The following VPS25 variants were observed in gnomAD, a reference collection of about 807,000 sequenced individuals.
The protein encoded by VPS25 is vacuolar protein sorting 25 homolog.
VPS25 carries 21 observed loss-of-function variants against 30.3 expected under a neutral mutation model. The observed-to-expected ratio is 0.69, with a 90% CI of 0.49 to 1.00. VPS25 has a LOEUF of 1.00. Ranked by LOEUF, VPS25 falls within the 50% of genes least tolerant of loss-of-function variation. The probability of loss-of-function intolerance (pLI) is 0.00; values close to 1 mark genes in which losing one functional copy is unlikely to be tolerated. For synonymous variants in VPS25, 101 were observed against 88.1 expected (o/e 1.15, Z -0.82); for missense variants, 156 against 217.2 (o/e 0.72, Z 1.77).
At chr17:42,778,596 T>C (rs1376111638) in intron 5 of VPS25, among the ~76,000 whole-genome samples, 1 of 152,182 alleles carries the variant, frequency 6.6e-6, no homozygotes, top group Non-Finnish European at 1.5e-5. Flanking sequence ...TCCTCTAGGG[T>C]CAGTGTCTAG....
intron 5 of VPS25, among the ~76,000 whole-genome samples, 200 bp downstream of exon 5, chr17:42,776,520 G>A (rs974024890): frequency 4.0e-5 from 6 of 151,204 alleles, no homozygotes; most frequent in Non-Finnish European, 7.4e-5. Flanking sequence ...GCGCCACCAC[G>A]CCTGGCTAAT....
chr17:42,779,219 C>T lies in VPS25; in HGVS notation c.*150C>T, dbSNP rs1268964932. On this transcript the variant is annotated 3_prime_UTR_variant, in exon 6 of 6. Coordinates refer to ENST00000253794, the MANE Select transcript of VPS25 (RefSeq NM_032353.4). ...AAGGCTGGGACCTGGGGATGGGTTTCTCACACCCCATATGTCTGTCCCTTG... is the reference window on the plus strand; with the variant it reads ...AAGGCTGGGACCTGGGGATGGGTTTTTCACACCCCATATGTCTGTCCCTTG... 6 of 663,622 alleles carry T rather than the reference C, an allele frequency of 9.0e-6. No homozygotes were observed. The highest frequency in any genetic ancestry group is 4.8e-5 in the Admixed American group (2 of 41,820). 41.1% of individuals were successfully genotyped at this position (663,622 alleles called of 1,614,324 possible). A position where few individuals can be genotyped will look rare whatever the true frequency, so the allele number is the denominator to read the frequency against.
intron 3 of VPS25, 116 bp downstream of exon 3, chr17:42,774,815 A>C: frequency 1.1e-6 from 1 of 886,522 alleles, no homozygotes; most frequent in Non-Finnish European, 1.7e-6. Flanking sequence ...CTTGAAGGCC[A>C]GAGTCTTCTG....
At chr17:42,776,415 T>C (rs138415498) in intron 5 of VPS25, 95 bp downstream of exon 5, 1 of 1,159,122 alleles carries the variant, frequency 8.6e-7, no homozygotes, top group East Asian at 2.4e-5. Context: ...CAGGCTGGAG[T>C]GCAATGTTGC....
intron 2 of VPS25, 58 bp from the exon 3 acceptor site, chr17:42,774,588 C>T (rs1447620159): frequency 1.3e-6 from 2 of 1,517,096 alleles, no homozygotes; most frequent in Non-Finnish European, 1.8e-6. Flanking sequence ...GGGACTGGCT[C>T]TGAAAATTTT....
chr17:42,776,684 A>C (rs1432265603), intron 5 of VPS25, among the ~76,000 whole-genome samples: 1 of 86,438 alleles, frequency 1.2e-5, no homozygotes, highest in Non-Finnish European at 2.2e-5. Flanking sequence ...TTTTTTTTTG[A>C]GACAGAGTCA....
intron 5 of VPS25, 96 bp from the exon 6 acceptor site, chr17:42,778,861 C>T: frequency 9.1e-7 from 1 of 1,102,008 alleles, no homozygotes; most frequent in Non-Finnish European, 1.3e-6. Context: ...TATGCATACC[C>T]TGCCTCTGGG....
chr17:42,776,446 T>A, intron 5 of VPS25, 126 bp downstream of exon 5: 1 of 797,662 alleles, frequency 1.3e-6, no homozygotes, highest in South Asian at 1.7e-5. Context: ...CACTGCAACC[T>A]CCGCCTCCTA....
At chr17:42,776,724 A>G (rs2054438692) in intron 5 of VPS25, among the ~76,000 whole-genome samples, 1 of 146,002 alleles carries the variant, frequency 6.8e-6, no homozygotes, top group Non-Finnish European at 1.5e-5. Context: ...GCAGTGGCGC[A>G]GTCTCTGCTC....
intron 2 of VPS25, 161 bp downstream of exon 2, chr17:42,774,039 T>A: frequency 1.2e-6 from 1 of 836,710 alleles, no homozygotes; most frequent in Non-Finnish European, 1.8e-6. Context: ...CATTTTCCCC[T>A]GGCAAATGCA....
intron 2 of VPS25, 147 bp downstream of exon 2, chr17:42,774,025 C>A: frequency 1.0e-6 from 1 of 963,390 alleles, no homozygotes; most frequent in Non-Finnish European, 1.5e-6. Flanking sequence ...AAATGTGTAG[C>A]TGACATTTTC....
At chr17:42,778,279 G>A (rs1457377985) in intron 5 of VPS25, among the ~76,000 whole-genome samples, 1 of 152,138 alleles carries the variant, frequency 6.6e-6, no homozygotes, top group Non-Finnish European at 1.5e-5. Flanking sequence ...CACCTCCCGG[G>A]TTCAAGTGAT....
chr17:42,774,252 G>A, intron 2 of VPS25: 1 of 269,698 alleles, frequency 3.7e-6, no homozygotes. Context: ...AGGAAGTAAG[G>A]GTCATTTGTT....
chr17:42,774,765 A>G (rs774673245), intron 3 of VPS25, 66 bp downstream of exon 3: 125 of 1,450,452 alleles, frequency 8.6e-5, no homozygotes, highest in Middle Eastern at 1.8e-4. Context: ...GCAAATTAGG[A>G]TAAGTCTTTT....
At chr17:42,778,769 G>A (rs2054450164) in intron 5 of VPS25, among the ~76,000 whole-genome samples, 188 bp from the exon 6 acceptor site, 1 of 152,236 alleles carries the variant, frequency 6.6e-6, no homozygotes. Context: ...CTCATTTCAT[G>A]CTGATTCAGG....
intron 4 of VPS25, among the ~76,000 whole-genome samples, 168 bp downstream of exon 4, chr17:42,775,637 G>T (rs2054431775): frequency 6.6e-6 from 1 of 152,204 alleles, no homozygotes; most frequent in African/African-American, 2.4e-5. Context: ...GTGACTCAAT[G>T]TCTTTGGCTG....
At chr17:42,773,580 A>G (rs1317997889) in intron 1 of VPS25, 52 bp downstream of exon 1, 1 of 1,613,374 alleles carries the variant, frequency 6.2e-7, no homozygotes, top group African/African-American at 1.3e-5. Context: ...CCTCCCCCGG[A>G]CCCTGGGCTC....
chr17:42,778,503 C>T (rs1048484674), intron 5 of VPS25, among the ~76,000 whole-genome samples: 1 of 152,090 alleles, frequency 6.6e-6, no homozygotes, highest in African/African-American at 2.4e-5. Flanking sequence ...CAGCTAAAAG[C>T]TAGAAAAAGG....
Position 42,776,661 on chromosome 17 carries a change from C to CT in VPS25, c.418+342dup, listed in dbSNP as rs1177773681. Among the ~76,000 whole-genome samples, 86 of 142,208 alleles carry CT rather than the reference C, an allele frequency of 6.0e-4. 3 individuals are homozygous for CT. Among genetic ancestry groups the CT allele is most frequent in the Non-Finnish European group, 9.0e-4 (59 of 65,674 alleles). 93.3% of individuals were successfully genotyped at this position (142,208 alleles called of 152,430 possible). The stretch of plus-strand genomic sequence containing the variant: ...AGAGGCGTGAGCCACTGTGCCCCGC[C>CT]TGTTTTTTTTTTTTTTTTTTTGAGA... On this transcript the variant is annotated intron_variant, in intron 5 of 5. Coordinates refer to ENST00000253794, the MANE Select transcript of VPS25 (RefSeq NM_032353.4).
Sources: allele counts gnomAD v4.1 joint callset (sites outside exome capture counted in the v4.1 genomes callset), GRCh38; gene constraint gnomAD v4.1.1; transcripts MANE v1.5; gene names NCBI Gene and HGNC (gene_info 2026-07-23, HGNC 2026-07-21).